The following NPEPPS variants were observed in gnomAD, a reference collection of about 807,000 sequenced individuals.
NPEPPS encodes the protein puromycin-sensitive aminopeptidase.
In NPEPPS, 14 loss-of-function variants were observed where a neutral mutation model predicts 115.5. The ratio of observed to expected loss-of-function variants is 0.12; its 90% CI spans 0.08 to 0.19. NPEPPS has a LOEUF of 0.19. NPEPPS is among the 10% of genes least tolerant of loss of function. The probability of loss-of-function intolerance (pLI) is 1.00; values close to 1 mark genes in which losing one functional copy is unlikely to be tolerated. For synonymous variants in NPEPPS, 285 were observed against 390.6 expected, an observed-to-expected ratio of 0.73 and a Z score of 3.19; for missense variants, 523 against 1,110.8, an observed-to-expected ratio of 0.47 and a Z score of 7.52.
chr17:47,540,420 A>G (rs1294717930), intron 1 of NPEPPS, among the ~76,000 whole-genome samples: 2 of 152,190 alleles, frequency 1.3e-5, no homozygotes, highest in Non-Finnish European at 1.5e-5. Flanking sequence ...ACACACAGCT[A>G]ATATTTACTA....
intron 17 of NPEPPS, among the ~76,000 whole-genome samples, chr17:47,610,664 G>T (rs1430611159): frequency 6.6e-6 from 1 of 151,696 alleles, no homozygotes; most frequent in East Asian, 1.9e-4. Context: ...TTACAGGCGT[G>T]AACCACCACA....
At chr17:47,568,179 T>C (rs2143797982) in intron 2 of NPEPPS, among the ~76,000 whole-genome samples, 2 of 151,532 alleles carry the variant, frequency 1.3e-5, no homozygotes, top group Middle Eastern at 6.8e-3. Flanking sequence ...TTTTTCTTTT[T>C]TTGAGACAGA....
At chr17:47,524,024 G>A (rs530449053) in intron 1 of NPEPPS, among the ~76,000 whole-genome samples, 1 of 150,290 alleles carries the variant, frequency 6.7e-6, no homozygotes, top group East Asian at 2.0e-4. Context: ...ACAGGATTTC[G>A]GCCGAGCGCA....
chr17:47,613,536 G>T, intron 18 of NPEPPS, 133 bp from the exon 19 acceptor site: 1 of 671,708 alleles, frequency 1.5e-6, no homozygotes, highest in South Asian at 1.9e-5. Flanking sequence ...CAAAGTGCAG[G>T]GATTACAGGC....
At chr17:47,532,287 A>G (rs562924745) in intron 1 of NPEPPS, among the ~76,000 whole-genome samples, 13 of 152,106 alleles carry the variant, frequency 8.5e-5, no homozygotes, top group Non-Finnish European at 1.8e-4. Flanking sequence ...TTTTCCACCT[A>G]TCTTCCTAGC....
intron 17 of NPEPPS, 82 bp from the exon 18 acceptor site, chr17:47,612,378 A>G: frequency 3.5e-6 from 5 of 1,428,792 alleles, no homozygotes; most frequent in Non-Finnish European, 4.8e-6. Context: ...TTGGTATAGC[A>G]CAATTATAAG....
intron 1 of NPEPPS, among the ~76,000 whole-genome samples, chr17:47,542,741 T>C (rs1016478905): frequency 1.3e-5 from 2 of 152,200 alleles, no homozygotes; most frequent in African/African-American, 4.8e-5. Flanking sequence ...ATCTGTGTTT[T>C]TGTTATTTTA....
intron 13 of NPEPPS, among the ~76,000 whole-genome samples, chr17:47,599,367 TG>T (rs1308534277): frequency 1.3e-5 from 2 of 152,234 alleles, no homozygotes; most frequent in Non-Finnish European, 2.9e-5. Flanking sequence ...TTGATTTAGG[TG>T]ATCTTAAGTC....
At chr17:47,602,047 CT>C (rs977982130) in intron 15 of NPEPPS, 17 of 283,424 alleles carry the variant, frequency 6.0e-5, no homozygotes, top group Non-Finnish European at 1.1e-4. Context: ...TCAAACTCCC[CT>C]GTCATTGTAA....
At position 47,541,235 on chromosome 17, in the gene NPEPPS, G is replaced by T. The variant is rs182786937; in HGVS notation, c.256-4674G>T. ...ACTGTAGATGTTGATGGATGAAAGT[G>T]TGGTTGCCTAGATAATGATTAAGAC... On this transcript the variant is annotated intron_variant, in intron 1 of 22. Transcript: ENST00000322157. Among the ~76,000 whole-genome samples the T allele has an allele frequency of 1.4e-4, 22 of 152,298 alleles. No homozygotes were observed. In the East Asian group the frequency reaches 4.2e-3, roughly 29 times the overall value.
chr17:47,575,192 A>G (rs1911439432), intron 3 of NPEPPS, among the ~76,000 whole-genome samples: 1 of 152,186 alleles, frequency 6.6e-6, no homozygotes, highest in Non-Finnish European at 1.5e-5. Context: ...CCATTCCTCA[A>G]CAGAATGAAA....
At chr17:47,605,682 A>G (rs1431522775) in intron 17 of NPEPPS, 130 bp downstream of exon 17, 2 of 655,096 alleles carry the variant, frequency 3.1e-6, no homozygotes, top group Non-Finnish European at 5.3e-6. Flanking sequence ...AGAAATTAAG[A>G]CGTGAGTCTT....
At chr17:47,570,804 T>A (rs1911145507) in intron 3 of NPEPPS, among the ~76,000 whole-genome samples, 1 of 152,236 alleles carries the variant, frequency 6.6e-6, no homozygotes, top group South Asian at 2.1e-4. Context: ...GAGCTGATTT[T>A]AAAAATTCCC....
chr17:47,601,365 T>C (rs1465333920), intron 14 of NPEPPS, among the ~76,000 whole-genome samples: 10 of 152,178 alleles, frequency 6.6e-5, no homozygotes, highest in Admixed American at 1.3e-4. Flanking sequence ...ATTGCATTTG[T>C]GATTCTACAA....
At chr17:47,558,196 C>T (rs556873494) in intron 2 of NPEPPS, among the ~76,000 whole-genome samples, 1 of 151,862 alleles carries the variant, frequency 6.6e-6, no homozygotes, top group Admixed American at 6.6e-5. Context: ...GGTGTGATCT[C>T]GGCTCACTGC....
chr17:47,617,871 G>A (rs1914305799), intron 19 of NPEPPS, among the ~76,000 whole-genome samples: 1 of 131,158 alleles, frequency 7.6e-6, no homozygotes, highest in South Asian at 2.8e-4. Flanking sequence ...TAGTGCCAAA[G>A]CATCATTTTT....
chr17:47,567,893 A>G (rs768236253), intron 2 of NPEPPS, among the ~76,000 whole-genome samples: 2 of 151,896 alleles, frequency 1.3e-5, no homozygotes, highest in Non-Finnish European at 2.9e-5. Context: ...CATTTTATCT[A>G]TTCCATCAGT....
At chr17:47,601,140 C>T (rs1173412875) in intron 14 of NPEPPS, among the ~76,000 whole-genome samples, 2 of 152,078 alleles carry the variant, frequency 1.3e-5, no homozygotes. Flanking sequence ...GAAGCTGAGG[C>T]ACAAGAACTT....
chr17:47,605,802 C>T (rs1170631369), intron 17 of NPEPPS, among the ~76,000 whole-genome samples: 1 of 152,128 alleles, frequency 6.6e-6, no homozygotes, highest in Admixed American at 6.5e-5. Flanking sequence ...AAGTCTTTTG[C>T]AGAATTCCAA....
Sources: gnomAD v4.1 joint callset for allele counts (sites outside exome capture counted in the v4.1 genomes callset) on GRCh38, gnomAD v4.1.1 for gene constraint, MANE v1.5 for transcripts, NCBI Gene and HGNC (gene_info 2026-07-23, HGNC 2026-07-21) for gene names.